PLEKHA7: variants seen among roughly 807,000 people sequenced by gnomAD.
PLEKHA7 encodes the protein pleckstrin homology domain containing A7.
Under a neutral mutation model 170.0 loss-of-function variants are expected in PLEKHA7, and 104 were observed. That is an observed-to-expected ratio of 0.61 (90% CI 0.52 to 0.72). PLEKHA7 has a LOEUF of 0.72. Among genes scored for constraint, PLEKHA7 ranks in the 30% least tolerant of loss-of-function variants. PLEKHA7 has a pLI of 0.00. For missense variants in PLEKHA7, 1,615 were observed against 1,671.7 expected (o/e 0.97, Z 0.59); for synonymous variants, 648 against 660.8 (o/e 0.98, Z 0.30).
chr11:16,779,683 G>C (rs1474232533), intron 26 of PLEKHA7, among the ~76,000 whole-genome samples: 1 of 152,206 alleles, frequency 6.6e-6, no homozygotes, highest in Non-Finnish European at 1.5e-5. Context: ...CTCATGCTCA[G>C]GCTGGCGGGG....
At chr11:16,918,836 C>G (rs930833228) in intron 3 of PLEKHA7, among the ~76,000 whole-genome samples, 1 of 152,128 alleles carries the variant, frequency 6.6e-6, no homozygotes, top group Admixed American at 6.5e-5. Context: ...CAAATGATGA[C>G]TTTGATGTTC....
At chr11:16,803,660 C>G (rs1381300961) in intron 13 of PLEKHA7, 1 of 224,296 alleles carries the variant, frequency 4.5e-6, no homozygotes, top group Non-Finnish European at 9.1e-6. Context: ...TACTACTGAA[C>G]GTGGGAACAA....
chr11:16,920,839 C>A (rs1859033968), intron 3 of PLEKHA7, among the ~76,000 whole-genome samples: 1 of 152,246 alleles, frequency 6.6e-6, no homozygotes. Flanking sequence ...TTAAGCACAC[C>A]TAGAGCCTCA....
intron 3 of PLEKHA7, among the ~76,000 whole-genome samples, chr11:17,001,569 C>T (rs1864663953): frequency 6.6e-6 from 1 of 152,184 alleles, no homozygotes; most frequent in Admixed American, 6.5e-5. Flanking sequence ...GGCCTTGGTA[C>T]AGGGCTGGAA....
intron 3 of PLEKHA7, among the ~76,000 whole-genome samples, chr11:16,964,764 T>C (rs943363550): frequency 1.3e-5 from 2 of 152,150 alleles, no homozygotes; most frequent in African/African-American, 4.8e-5. Context: ...TAATAGAGCA[T>C]TCCTTAGATA....
At chr11:16,916,166 G>A (rs546620069) in intron 3 of PLEKHA7, among the ~76,000 whole-genome samples, 1 of 152,316 alleles carries the variant, frequency 6.6e-6, no homozygotes, top group African/African-American at 2.4e-5. Context: ...GTCTTCTTTT[G>A]AGAAGTGTCT....
chr11:16,795,410 T>A (rs539301603), intron 17 of PLEKHA7: 1 of 207,788 alleles, frequency 4.8e-6, no homozygotes, highest in South Asian at 8.9e-5. Context: ...ATGTGTATAA[T>A]GTTTCAGTTA....
chr11:16,790,862 G>A lies in PLEKHA7; in HGVS notation c.2988C>T (p.Asp996=). The A allele has an allele frequency of 6.2e-7, 1 of 1,611,170 alleles. No homozygotes were observed. The highest frequency in any genetic ancestry group is 8.5e-7 in the Non-Finnish European group (1 of 1,178,838). Residue 996 remains aspartate (D), a synonymous_variant, in exon 21 of 27, where the codon GAC becomes GAT. Transcript: ENST00000531066. The stretch of plus-strand genomic sequence containing the variant: ...CAAGTCCTAGGGAGGGCTGGGCCAT[G>A]TCCCCGCTGAGGGTCGCCAGCTCAG... ...SEPELATLSG[D]MAQPSLGLVG...
At chr11:16,875,245 T>C (rs760292938) in intron 3 of PLEKHA7, among the ~76,000 whole-genome samples, 2 of 152,166 alleles carry the variant, frequency 1.3e-5, no homozygotes, top group Non-Finnish European at 2.9e-5. Context: ...ATCATCTTAT[T>C]TGCCCCTCCA....
At chr11:16,786,891 C>T in intron 23 of PLEKHA7, 1 of 985,094 alleles carries the variant, frequency 1.0e-6, no homozygotes, top group Non-Finnish European at 1.2e-6. Flanking sequence ...GGATCTCGCA[C>T]TTACAGTAGG....
At chr11:17,005,635 A>G (rs1161692140) in intron 3 of PLEKHA7, among the ~76,000 whole-genome samples, 1 of 152,192 alleles carries the variant, frequency 6.6e-6, no homozygotes, top group African/African-American at 2.4e-5. Flanking sequence ...TTCCCAACCC[A>G]GCATCTGTCC....
chr11:16,924,333 A>C (rs1859323919), intron 3 of PLEKHA7, among the ~76,000 whole-genome samples: 1 of 152,216 alleles, frequency 6.6e-6, no homozygotes, highest in African/African-American at 2.4e-5. Flanking sequence ...TCCTCTGCCC[A>C]CAGCCCCCAG....
intron 3 of PLEKHA7, among the ~76,000 whole-genome samples, chr11:16,984,614 C>T (rs1209341630): frequency 6.6e-6 from 1 of 152,194 alleles, no homozygotes; most frequent in East Asian, 1.9e-4. Flanking sequence ...TCCACTCTCA[C>T]ACCCAGGCCT....
At chr11:16,992,535 C>T (rs1590805147) in intron 3 of PLEKHA7, among the ~76,000 whole-genome samples, 1 of 152,170 alleles carries the variant, frequency 6.6e-6, no homozygotes, top group Non-Finnish European at 1.5e-5. Context: ...GCAGGAGGAT[C>T]ACTTGAGGTC....
intron 12 of PLEKHA7, 47 bp from the exon 13 acceptor site, chr11:16,813,213 GT>G (rs774987361): frequency 3.9e-6 from 6 of 1,533,670 alleles, no homozygotes; most frequent in Non-Finnish European, 4.5e-6. Context: ...AACACCAAGA[GT>G]TTCCATAACT....
chr11:16,972,794 A>G (rs1862805679), intron 3 of PLEKHA7, among the ~76,000 whole-genome samples: 2 of 152,166 alleles, frequency 1.3e-5, no homozygotes, highest in Non-Finnish European at 2.9e-5. Flanking sequence ...TTAACTTACC[A>G]ATACAATTAC....
chr11:16,822,997 A>ATT (rs1008996972), intron 10 of PLEKHA7, among the ~76,000 whole-genome samples: 4 of 151,574 alleles, frequency 2.6e-5, no homozygotes, highest in African/African-American at 4.9e-5. Context: ...TTATTTATTT[A>ATT]TTTATTTATT....
rs77886585 is a variant in PLEKHA7, at chr11:16,845,878, A to T, written c.697-4156T>A. ...AGGGTCTGGAGAGAACTTGCAGGTA[A>T]TACCTGCAGGCCTTGGCAATGGACT... On this transcript the variant is annotated intron_variant, in intron 8 of 26. Transcript: ENST00000531066. Among the ~76,000 whole-genome samples the T allele has an allele frequency of 1.3e-3, 203 of 152,292 alleles. 2 individuals are homozygous for T. In the East Asian group the frequency reaches 0.036, roughly 27 times the overall value.
rs1848808515 is a variant in PLEKHA7 at position 16,778,649 on chromosome 11, T to G, written c.*349A>C. 3.4e-6 allele frequency: 1 copy of G among 297,330 alleles called. No individual in the cohort carries two copies. The highest frequency in any genetic ancestry group is 2.1e-5 in the African/African-American group (1 of 46,548). 18.4% of individuals were successfully genotyped at this position (297,330 alleles called of 1,614,324 possible). On this transcript the variant is annotated 3_prime_UTR_variant, in exon 27 of 27. Coordinates refer to ENST00000531066, the MANE Select transcript of PLEKHA7 (RefSeq NM_001329630.2). ...CCCCACAACACCTGTCACCCAGAAG[T>G]ACCTGAATCTGTACGTGCAGCTGCA... is the stretch of plus-strand genomic sequence containing the variant.
Sources: allele counts gnomAD v4.1 joint callset (sites outside exome capture counted in the v4.1 genomes callset), GRCh38; gene constraint gnomAD v4.1.1; transcripts MANE v1.5; gene names NCBI Gene and HGNC (gene_info 2026-07-23, HGNC 2026-07-21).